ADRA1B: variants seen among roughly 807,000 people sequenced by gnomAD.
ADRA1B encodes the protein adrenoceptor alpha 1B.
ADRA1B carries 17 observed loss-of-function variants against 17.9 expected under a neutral mutation model. That is an observed-to-expected ratio of 0.95 (90% CI 0.65 to 1.42). The LOEUF (loss-of-function observed/expected upper bound fraction) is 1.42, where lower values mean the gene tolerates loss of function less well. Ranked by LOEUF, ADRA1B falls within the 40% of genes most tolerant of loss-of-function variation. The pLI, the probability that ADRA1B is intolerant of heterozygous loss-of-function variation, is 0.00. For synonymous variants in ADRA1B, 366 were observed against 327.6 expected, an observed-to-expected ratio of 1.12 and a Z score of -1.27; for missense variants, 681 against 722.1, an observed-to-expected ratio of 0.94 and a Z score of 0.65.
intron 1 of ADRA1B, among the ~76,000 whole-genome samples, chr5:159,926,031 C>G (rs1754637243): frequency 6.6e-6 from 1 of 152,122 alleles, no homozygotes; most frequent in Non-Finnish European, 1.5e-5. Context: ...AAGCAGTGAC[C>G]AACTCTCTGC....
intron 1 of ADRA1B, among the ~76,000 whole-genome samples, chr5:159,900,810 C>T (rs961211423): frequency 6.6e-6 from 1 of 152,240 alleles, no homozygotes; most frequent in African/African-American, 2.4e-5. Flanking sequence ...GACAGACAGG[C>T]TAAGGACCAG....
At chr5:159,907,955 T>TCA (rs371637793) in intron 1 of ADRA1B, among the ~76,000 whole-genome samples, 64,165 of 146,800 alleles carry the variant, frequency 0.44, 14,351 homozygotes, top group Non-Finnish European at 0.52. Flanking sequence ...TCTCTCTCTG[T>TCA]CACACACACA....
intron 1 of ADRA1B, among the ~76,000 whole-genome samples, chr5:159,941,733 C>T (rs542416273): frequency 2.6e-5 from 4 of 152,288 alleles, no homozygotes; most frequent in Admixed American, 6.5e-5. Flanking sequence ...TGCTACCACA[C>T]AGATGAACCT....
intron 1 of ADRA1B, among the ~76,000 whole-genome samples, chr5:159,939,788 G>T (rs1755074565): frequency 6.6e-6 from 1 of 152,158 alleles, no homozygotes; most frequent in Admixed American, 6.5e-5. Flanking sequence ...GCTCTATCAT[G>T]CCCCAAGCCT....
chr5:159,883,835 C>A (rs1753893159), intron 1 of ADRA1B, among the ~76,000 whole-genome samples: 1 of 152,202 alleles, frequency 6.6e-6, no homozygotes, highest in Admixed American at 6.5e-5. Flanking sequence ...TCCCATGGTG[C>A]TGAATATCTG....
intron 1 of ADRA1B, among the ~76,000 whole-genome samples, chr5:159,937,402 C>T (rs1317941948): frequency 6.6e-6 from 1 of 152,016 alleles, no homozygotes; most frequent in Non-Finnish European, 1.5e-5. Context: ...ATATGTGAAT[C>T]TCAGTCGGCC....
intron 1 of ADRA1B, among the ~76,000 whole-genome samples, chr5:159,886,303 C>T (rs368906939): frequency 4.6e-5 from 7 of 152,208 alleles, no homozygotes; most frequent in South Asian, 4.1e-4. Flanking sequence ...CCACCTTCTT[C>T]TTCATTTCTG....
In ADRA1B at chr5:159,917,303, T is replaced by C; in HGVS notation, c.398T>C (p.Ile133Thr). The change falls in exon 1 of 2, where the codon ATT becomes ACT. Residue 133 changes from isoleucine to threonine, a missense_variant. By Grantham distance (89) the Ile-to-Thr change is moderately conservative. Around this residue, in one of 3 missense-constraint regions of ADRA1B, gnomAD observed 424 missense variants for 480.2 expected, o/e 0.88. Coordinates refer to ENST00000306675, the MANE Select transcript of ADRA1B (RefSeq NM_000679.4). ...GATGTCCTGTGCTGCACAGCGTCCA[T>C]TCTGAGCCTGTGCGCCATCTCCATC... ...AVDVLCCTAS[I>T]LSLCAISIDR... 8.1e-6 allele frequency: 13 copies of C among 1,614,134 alleles called. No homozygotes were observed. The highest frequency in any genetic ancestry group is 1.1e-5 in the Non-Finnish European group (13 of 1,180,020).
chr5:159,903,391 T>C (rs910383241), intron 1 of ADRA1B, among the ~76,000 whole-genome samples: 1 of 152,218 alleles, frequency 6.6e-6, no homozygotes, highest in African/African-American at 2.4e-5. Context: ...CTGCTTAGCA[T>C]AGCCCTGATA....
At chr5:159,899,017 C>T (rs572478056) in intron 1 of ADRA1B, among the ~76,000 whole-genome samples, 4 of 152,052 alleles carry the variant, frequency 2.6e-5, no homozygotes, top group South Asian at 2.1e-4. Context: ...TGTGGTGGTG[C>T]ACACCTGTAG....
downstream of ADRA1B, among the ~76,000 whole-genome samples, chr5:159,976,521 G>A (rs1161054738): frequency 6.6e-6 from 1 of 151,876 alleles, no homozygotes; most frequent in Non-Finnish European, 1.5e-5. Context: ...ATGAAAATTA[G>A]CCAGGCGTGG....
At chr5:159,895,890 G>C (rs1754036393) in intron 1 of ADRA1B, among the ~76,000 whole-genome samples, 1 of 152,184 alleles carries the variant, frequency 6.6e-6, no homozygotes, top group African/African-American at 2.4e-5. Context: ...GCCAAGGTGG[G>C]TGGATCACCT....
chr5:159,916,401 G>GC (rs35602144), upstream of ADRA1B: 1 of 151,574 alleles, frequency 6.6e-6, no homozygotes, highest in African/African-American at 2.4e-5. Flanking sequence ...GGCTGCGGGC[G>GC]CCTTGGCTGG....
chr5:159,950,257 T>C (rs1465751363), intron 1 of ADRA1B, among the ~76,000 whole-genome samples: 1 of 152,018 alleles, frequency 6.6e-6, no homozygotes, highest in Non-Finnish European at 1.5e-5. Flanking sequence ...ATCTGCCCTT[T>C]TGGGTGACCC....
intron 1 of ADRA1B, among the ~76,000 whole-genome samples, chr5:159,881,036 T>C (rs1365857686): frequency 6.6e-6 from 1 of 152,122 alleles, no homozygotes; most frequent in African/African-American, 2.4e-5. Flanking sequence ...CTGGCTACTT[T>C]AATAAAAATT....
intron 1 of ADRA1B, among the ~76,000 whole-genome samples, chr5:159,968,083 T>A (rs1755806690): frequency 6.6e-6 from 1 of 152,168 alleles, no homozygotes; most frequent in Admixed American, 6.5e-5. Context: ...CCACAGCTTG[T>A]CCTCATGCCT....
At chr5:159,988,241 G>A in the ADRA1B span, among the ~76,000 whole-genome samples, 1 of 152,208 alleles carries the variant, frequency 6.6e-6, no homozygotes, top group Non-Finnish European at 1.5e-5. Context: ...GCCAAAGGAT[G>A]TGGGCAGACT....
chr5:159,954,605 G>A (rs1255274554), intron 1 of ADRA1B, among the ~76,000 whole-genome samples: 1 of 152,148 alleles, frequency 6.6e-6, no homozygotes, highest in Non-Finnish European at 1.5e-5. Context: ...CAAGGGAAAT[G>A]GAGCCCATGA....
intron 1 of ADRA1B, among the ~76,000 whole-genome samples, chr5:159,909,683 T>A (rs1239917824): frequency 1.3e-5 from 2 of 152,244 alleles, no homozygotes; most frequent in Non-Finnish European, 2.9e-5. Flanking sequence ...AAGGCCGGCA[T>A]CAATTCACTA....
Sources: allele counts gnomAD v4.1 joint callset (sites outside exome capture counted in the v4.1 genomes callset), GRCh38; gene constraint gnomAD v4.1.1; regional missense constraint gnomAD v4.1.1; transcripts MANE v1.5; gene names NCBI Gene and HGNC (gene_info 2026-07-23, HGNC 2026-07-21).